The following NRG1 variants were observed in gnomAD, a reference collection of about 807,000 sequenced individuals.
NRG1 encodes the protein neuregulin 1.
NRG1 carries 18 observed loss-of-function variants against 63.8 expected under a neutral mutation model. That is an observed-to-expected ratio of 0.28 (90% CI 0.19 to 0.42). NRG1 has a LOEUF of 0.42. Ranked by LOEUF, NRG1 falls within the 10% of genes least tolerant of loss-of-function variation. The pLI is 1.00. For synonymous variants in NRG1, 302 were observed against 301.3 expected, an observed-to-expected ratio of 1.00 and a Z score of -0.02; for missense variants, 762 against 814.7, an observed-to-expected ratio of 0.94 and a Z score of 0.79.
intron 1 of NRG1, among the ~76,000 whole-genome samples, chr8:32,224,217 T>G (rs1334335820): frequency 1.3e-5 from 2 of 152,168 alleles, no homozygotes; most frequent in African/African-American, 2.4e-5. Flanking sequence ...ACCTCAGTAT[T>G]GCAGTAACTT....
Position 31,640,680 on chromosome 8 carries a change from G to T in NRG1, c.37+1249G>T, listed in dbSNP as rs762976552. Reference sequence around the variant, plus strand: ...GAGCCTCTTTCCCCCCTCTGGAGACGGGCCGGAACCTCAAGAAGGAGGTCA... The same window carrying T: ...GAGCCTCTTTCCCCCCTCTGGAGACTGGCCGGAACCTCAAGAAGGAGGTCA... On this transcript the variant is annotated intron_variant, in intron 1 of 10. Coordinates refer to the NRG1 transcript ENST00000519301. The surrounding 1 kb of genome is among the most constrained non-coding windows in gnomAD (Gnocchi z 6.3). The T allele has an allele frequency of 5.0e-5, 80 of 1,607,238 alleles. No homozygotes were observed. The highest frequency in any genetic ancestry group is 6.5e-5 in the Non-Finnish European group (77 of 1,177,800).
rs11984536 is a variant in NRG1 at position 32,233,569 on chromosome 8, T to A, written c.38-362259T>A. Among the ~76,000 whole-genome samples the A allele has an allele frequency of 3.8e-3, 325 of 85,716 alleles. 3 individuals are homozygous for A. The highest frequency in any genetic ancestry group is 0.015 in the African/African-American group (286 of 18,530). The allele number at this position is 85,716 out of a possible 152,430, so 56.2% of individuals were successfully genotyped here. ...TATATATATATATATATATATTTTT[T>A]TTTTTTTTTCTTTTGAAACGGTGTC... is the stretch of plus-strand genomic sequence containing the variant. On this transcript the variant is annotated intron_variant, in intron 1 of 10. Coordinates refer to the NRG1 transcript ENST00000519301.
chr8:31,653,189 C>G (rs777223564), intron 1 of NRG1, among the ~76,000 whole-genome samples: 38 of 151,740 alleles, frequency 2.5e-4, no homozygotes, highest in Non-Finnish European at 4.4e-4. Flanking sequence ...TCTAAAGTTT[C>G]TATAATGAAT....
At chr8:32,525,951 T>C (rs182179392) in intron 1 of NRG1, among the ~76,000 whole-genome samples, 181 of 152,358 alleles carry the variant, frequency 1.2e-3, no homozygotes, top group Non-Finnish European at 2.4e-3. Flanking sequence ...TTTCTTTTCT[T>C]GTGTGTCGAT....
chr8:32,390,053 C>G (rs183511442), intron 1 of NRG1, among the ~76,000 whole-genome samples: 4 of 152,276 alleles, frequency 2.6e-5, no homozygotes, highest in African/African-American at 7.2e-5. Context: ...AGCCACTACA[C>G]CCAGCTCTTT....
At chr8:32,771,102 T>G (rs1427015537), downstream of NRG1, among the ~76,000 whole-genome samples, 1 of 151,978 alleles carries the variant, frequency 6.6e-6, no homozygotes, top group South Asian at 2.1e-4. Context: ...ATAAGTTCTT[T>G]AGGTTTTGGT....
intron 1 of NRG1, among the ~76,000 whole-genome samples, chr8:32,152,223 G>A (rs1290638589): frequency 3.9e-5 from 6 of 152,194 alleles, no homozygotes; most frequent in African/African-American, 7.2e-5. Context: ...TCTTCACTTC[G>A]TGTGTTAGTG....
In NRG1 at chr8:32,262,267, G is replaced by T. The variant is rs185794728; in HGVS notation, c.38-333561G>T. 4.0e-3 allele frequency among the ~76,000 whole-genome samples: 616 copies of T among 152,214 alleles called. 3 individuals carry two copies. Among genetic ancestry groups the T allele is most frequent in the Middle Eastern group, 6.8e-3 (2 of 294 alleles). On this transcript the variant is annotated intron_variant, in intron 1 of 10. Transcript: ENST00000519301. Reference sequence around the variant, plus strand: ...TCTCTTTGTTCCAGCTCCTTGTACAGACAGGACTGCTTGCTACTAAGAATT... The same window carrying T: ...TCTCTTTGTTCCAGCTCCTTGTACATACAGGACTGCTTGCTACTAAGAATT...
intron 1 of NRG1, among the ~76,000 whole-genome samples, chr8:32,288,429 A>G (rs17630744): frequency 0.055 from 8,367 of 152,302 alleles, 269 homozygotes; most frequent in South Asian, 0.07. Context: ...AAATCTGTAG[A>G]AAAGGAAGAC....
chr8:31,866,078 A>G (rs534831642), intron 1 of NRG1, among the ~76,000 whole-genome samples: 1 of 152,158 alleles, frequency 6.6e-6, no homozygotes, highest in South Asian at 2.1e-4. Context: ...CCTTTTGTCT[A>G]CTTTTCTCAA....
At chr8:32,567,647 C>CT (rs1270636867) in intron 1 of NRG1, among the ~76,000 whole-genome samples, 1 of 152,132 alleles carries the variant, frequency 6.6e-6, no homozygotes, top group African/African-American at 2.4e-5. Flanking sequence ...CCCCTCACTT[C>CT]TTTTTTATAT....
intron 1 of NRG1, among the ~76,000 whole-genome samples, chr8:31,772,372 G>C (rs1045767735): frequency 6.6e-6 from 1 of 152,134 alleles, no homozygotes; most frequent in Non-Finnish European, 1.5e-5. Flanking sequence ...CACAGTAAGG[G>C]CTCCATCTGT....
At chr8:32,098,203 A>G (rs533056112) in intron 1 of NRG1, among the ~76,000 whole-genome samples, 1 of 152,232 alleles carries the variant, frequency 6.6e-6, no homozygotes, top group South Asian at 2.1e-4. Context: ...AGAAAGAAGA[A>G]CTTCCATTGC....
intron 3 of NRG1, among the ~76,000 whole-genome samples, chr8:32,611,909 A>G (rs1336302799): frequency 1.3e-5 from 2 of 152,112 alleles, no homozygotes; most frequent in African/African-American, 2.4e-5. Context: ...CAAACATGTT[A>G]CATTCATAAT....
At chr8:32,772,041 GTA>G (rs1157977487), downstream of NRG1, among the ~76,000 whole-genome samples, 306 of 10,450 alleles carry the variant, frequency 0.029, 1 homozygote, top group Middle Eastern at 0.5. Context: ...AAAAAAATAT[GTA>G]TATATATATA....
At chr8:32,305,827 C>T (rs1856130974) in intron 1 of NRG1, among the ~76,000 whole-genome samples, 1 of 152,154 alleles carries the variant, frequency 6.6e-6, no homozygotes, top group East Asian at 1.9e-4. Flanking sequence ...CGTGCATGTT[C>T]AAGTTCTTGC....
At chr8:32,211,194 T>C (rs1844672001) in intron 1 of NRG1, among the ~76,000 whole-genome samples, 1 of 152,204 alleles carries the variant, frequency 6.6e-6, no homozygotes, top group Non-Finnish European at 1.5e-5. Context: ...GTTCTGTTTC[T>C]TTTTTCTATA....
intron 1 of NRG1, among the ~76,000 whole-genome samples, chr8:31,969,367 T>C (rs1806901570): frequency 6.6e-6 from 1 of 152,196 alleles, no homozygotes; most frequent in Non-Finnish European, 1.5e-5. Flanking sequence ...TTGTCTCACT[T>C]TTCAGAGGAA....
At chr8:31,705,949 A>G (rs1218805503) in intron 1 of NRG1, among the ~76,000 whole-genome samples, 1 of 152,202 alleles carries the variant, frequency 6.6e-6, no homozygotes, top group Admixed American at 6.5e-5. Context: ...ATGTCTGATG[A>G]CTGAGTTCAC....
Sources: gnomAD v4.1 joint callset for allele counts (sites outside exome capture counted in the v4.1 genomes callset) on GRCh38, gnomAD v4.1.1 for gene constraint, Gnocchi (gnomAD v3.1) non-coding constraint, MANE v1.5 for transcripts, NCBI Gene and HGNC (gene_info 2026-07-23, HGNC 2026-07-21) for gene names.